NAV3: variants seen among roughly 807,000 people sequenced by gnomAD.
The protein encoded by NAV3 is neuron navigator 3.
In NAV3, 87 loss-of-function variants were observed where a neutral mutation model predicts 244.7. The ratio of observed to expected loss-of-function variants is 0.36; its 90% CI spans 0.30 to 0.42. The LOEUF (loss-of-function observed/expected upper bound fraction) is 0.42. Ranked by LOEUF, NAV3 falls within the 20% of genes least tolerant of loss-of-function variation. The pLI is 1.00. For missense variants in NAV3, 2,663 were observed against 2,893.3 expected (o/e 0.92, Z 1.83); for synonymous variants, 1,126 against 1,042.2 (o/e 1.08, Z -1.55).
intron 24 of NAV3, among the ~76,000 whole-genome samples, chr12:78,173,188 C>CCAA (rs1958076548): frequency 6.6e-6 from 1 of 151,550 alleles, no homozygotes; most frequent in Non-Finnish European, 1.5e-5. Flanking sequence ...CTTACAAGCA[C>CCAA]TAAAAAAGAA....
intron 28 of NAV3, among the ~76,000 whole-genome samples, chr12:78,178,263 G>A (rs748959559): frequency 4.6e-5 from 7 of 150,754 alleles, no homozygotes; most frequent in South Asian, 2.1e-4. Context: ...GGGTTCAAGC[G>A]ATTCTCCTGT....
At chr12:78,162,926 A>C in intron 23 of NAV3, among the ~76,000 whole-genome samples, 1 of 137,688 alleles carries the variant, frequency 7.3e-6, no homozygotes, top group Non-Finnish European at 1.6e-5. Context: ...TATAATATAT[A>C]TATAAATTAC....
chr12:78,039,180 C>G (rs17044792), intron 9 of NAV3, among the ~76,000 whole-genome samples: 2,095 of 152,168 alleles, frequency 0.014, 24 homozygotes, highest in Non-Finnish European at 0.018. Context: ...ATGCAATTCC[C>G]TAAATAATGA....
chr12:78,203,025 T>C (rs972522062), intron 38 of NAV3, among the ~76,000 whole-genome samples: 3 of 152,104 alleles, frequency 2.0e-5, no homozygotes, highest in South Asian at 2.1e-4. Flanking sequence ...AAAAACCTTA[T>C]GGGGAATGCA....
At chr12:77,693,769 C>G (rs1027684460) in intron 2 of NAV3, among the ~76,000 whole-genome samples, 1 of 151,942 alleles carries the variant, frequency 6.6e-6, no homozygotes, top group Non-Finnish European at 1.5e-5. Context: ...TTCCTCTGCT[C>G]TGGACTTTCA....
chr12:78,111,996 T>C (rs1265265227), intron 12 of NAV3, among the ~76,000 whole-genome samples: 1 of 152,238 alleles, frequency 6.6e-6, no homozygotes, highest in Non-Finnish European at 1.5e-5. Context: ...CTACGTTGGC[T>C]AATTTAAGGA....
chr12:77,727,302 C>T (rs770915036), intron 2 of NAV3, among the ~76,000 whole-genome samples: 3 of 151,758 alleles, frequency 2.0e-5, no homozygotes, highest in African/African-American at 2.4e-5. Flanking sequence ...GTAGTCAAGG[C>T]CTGATAGTTT....
In NAV3 at chr12:77,745,631, G is replaced by A. The variant is rs549269320; in HGVS notation, c.72+173365G>A. Among the ~76,000 whole-genome samples the A allele has an allele frequency of 2.0e-5, 3 of 152,048 alleles. No homozygotes were observed. The South Asian group carries it at 6.2e-4, about 32-fold the overall frequency. ...TGATGAGTTGAAGGCATCTTGGGAGGGAAGGAAAACTGAGGACATTTTATG... is the reference window on the plus strand; with the variant it reads ...TGATGAGTTGAAGGCATCTTGGGAGAGAAGGAAAACTGAGGACATTTTATG... On this transcript the variant is annotated intron_variant, in intron 2 of 8. Coordinates refer to the NAV3 transcript ENST00000550042.
chr12:78,078,709 T>C (rs1375616171), intron 12 of NAV3, among the ~76,000 whole-genome samples: 1 of 152,100 alleles, frequency 6.6e-6, no homozygotes, highest in East Asian at 1.9e-4. Flanking sequence ...TCCACTCTTT[T>C]AAATTTAAAG....
intron 23 of NAV3, among the ~76,000 whole-genome samples, chr12:78,162,703 G>C (rs1295290910): frequency 2.7e-5 from 4 of 149,966 alleles, no homozygotes; most frequent in African/African-American, 9.8e-5. Flanking sequence ...ATCTCTACTA[G>C]AAACAAAAAT....
chr12:78,131,266 T>C (rs1186851229), intron 18 of NAV3, among the ~76,000 whole-genome samples: 2 of 152,180 alleles, frequency 1.3e-5, no homozygotes, highest in South Asian at 2.1e-4. Flanking sequence ...TTGAAAACAA[T>C]TATTTTGGTC....
At chr12:78,162,417 T>C (rs1593853477) in intron 23 of NAV3, among the ~76,000 whole-genome samples, 2 of 152,112 alleles carry the variant, frequency 1.3e-5, no homozygotes, top group African/African-American at 4.8e-5. Context: ...GGTCTATATC[T>C]ATAGACATAC....
chr12:77,781,347 T>C (rs1253416167), intron 2 of NAV3, among the ~76,000 whole-genome samples: 1 of 152,126 alleles, frequency 6.6e-6, no homozygotes, highest in Non-Finnish European at 1.5e-5. Flanking sequence ...TAAGAAACAT[T>C]ACAAACTATT....
intron 2 of NAV3, among the ~76,000 whole-genome samples, chr12:77,734,088 G>A (rs1212729505): frequency 6.6e-6 from 1 of 151,878 alleles, no homozygotes; most frequent in Non-Finnish European, 1.5e-5. Flanking sequence ...AAATAATGGA[G>A]GAACATTTCA....
intron 2 of NAV3, among the ~76,000 whole-genome samples, chr12:77,815,466 CT>C (rs1275183002): frequency 2.0e-5 from 3 of 152,000 alleles, no homozygotes; most frequent in African/African-American, 4.8e-5. Context: ...TAAATATTGA[CT>C]TTTTTTTCTA....
At chr12:77,625,927 A>G (rs1871600510) in intron 2 of NAV3, among the ~76,000 whole-genome samples, 1 of 152,208 alleles carries the variant, frequency 6.6e-6, no homozygotes, top group Admixed American at 6.5e-5. Flanking sequence ...GAACACAATG[A>G]TTTTCCAATA....
chr12:77,676,336 C>T (rs1236784240), intron 2 of NAV3, among the ~76,000 whole-genome samples: 2 of 152,084 alleles, frequency 1.3e-5, no homozygotes, highest in Non-Finnish European at 2.9e-5. Context: ...ATTGCCACTC[C>T]CTAGATCCAG....
upstream of NAV3, among the ~76,000 whole-genome samples, chr12:77,828,700 T>G (rs1873274410): frequency 1.3e-5 from 2 of 152,204 alleles, no homozygotes; most frequent in Admixed American, 6.5e-5. Context: ...TAGATATTAC[T>G]GCAAAAAATT....
chr12:77,644,820 T>C (rs566794104), intron 2 of NAV3, among the ~76,000 whole-genome samples: 9 of 151,966 alleles, frequency 5.9e-5, no homozygotes, highest in Non-Finnish European at 1.0e-4. Flanking sequence ...CTTAGAAGAG[T>C]AGGCTAAACA....
Sources: allele counts gnomAD v4.1 joint callset (sites outside exome capture counted in the v4.1 genomes callset), GRCh38; gene constraint gnomAD v4.1.1; transcripts MANE v1.5; gene names NCBI Gene and HGNC (gene_info 2026-07-23, HGNC 2026-07-21).